Variants in LPP observed in about 807,000 individuals in gnomAD.
The protein encoded by LPP is LIM domain containing preferred translocation partner in lipoma, also known as lipoma-preferred partner.
Under a neutral mutation model 60.4 loss-of-function variants are expected in LPP, and 38 were observed. The observed-to-expected ratio is 0.63, with a 90% CI of 0.49 to 0.83. The LOEUF is 0.83. Among genes scored for constraint, LPP ranks in the 40% least tolerant of loss-of-function variants. The probability of loss-of-function intolerance (pLI) is 0.00; values close to 1 mark genes in which losing one functional copy is unlikely to be tolerated. For synonymous variants in LPP, 328 were observed against 290.8 expected, an observed-to-expected ratio of 1.13 and a Z score of -1.30; for missense variants, 902 against 783.6, an observed-to-expected ratio of 1.15 and a Z score of -1.80.
intron 9 of LPP, among the ~76,000 whole-genome samples, chr3:188,800,947 C>G (rs1347181619): frequency 1.3e-5 from 2 of 152,104 alleles, no homozygotes; most frequent in Admixed American, 6.5e-5. Context: ...AACCCTTTGT[C>G]AGTGGCTAAT....
chr3:188,548,221 C>G (rs987303484), intron 6 of LPP, among the ~76,000 whole-genome samples: 1 of 152,178 alleles, frequency 6.6e-6, no homozygotes, highest in Non-Finnish European at 1.5e-5. Context: ...TTCTAACTCA[C>G]TTTTTGATTT....
intron 8 of LPP, among the ~76,000 whole-genome samples, chr3:188,757,223 ACATC>A (rs1730565503): frequency 5.1e-5 from 4 of 79,126 alleles, no homozygotes; most frequent in Non-Finnish European, 1.4e-4. Flanking sequence ...AGAGGCACTG[ACATC>A]GTGACATCGT....
At chr3:188,153,368 G>A (rs1322887262), upstream of LPP, 1 of 152,162 alleles carries the variant, frequency 6.6e-6, no homozygotes, top group Non-Finnish European at 1.5e-5. Context: ...CACCTTGTAA[G>A]TTTTGAGTCT....
chr3:188,276,900 T>TTTTTTTC (rs1740112711), intron 2 of LPP, among the ~76,000 whole-genome samples: 4 of 130,474 alleles, frequency 3.1e-5, no homozygotes, highest in Admixed American at 1.5e-4. Flanking sequence ...TTTTCTTTTT[T>TTTTTTTC]TTTTTTTTTT....
chr3:188,490,106 G>A (rs942701767), intron 5 of LPP, among the ~76,000 whole-genome samples: 1 of 152,014 alleles, frequency 6.6e-6, no homozygotes, highest in African/African-American at 2.4e-5. Flanking sequence ...CCTCATATTG[G>A]TTTTCTTTCC....
chr3:188,769,530 G>A (rs377031032), intron 9 of LPP, among the ~76,000 whole-genome samples: 6 of 152,288 alleles, frequency 3.9e-5, no homozygotes, highest in South Asian at 4.1e-4. Context: ...GTTGCAAACC[G>A]TATTAACTGC....
At chr3:188,814,604 T>C (rs1216306901) in intron 9 of LPP, among the ~76,000 whole-genome samples, 1 of 152,248 alleles carries the variant, frequency 6.6e-6, no homozygotes, top group African/African-American at 2.4e-5. Context: ...ATTAAAATTC[T>C]TGTTGTTCCT....
chr3:188,621,859 A>G (rs1232421669), intron 7 of LPP, among the ~76,000 whole-genome samples: 1 of 151,910 alleles, frequency 6.6e-6, no homozygotes, highest in Non-Finnish European at 1.5e-5. Context: ...GGGGTTTCGC[A>G]TTGTTAGCCA....
At chr3:188,535,937 A>G (rs1823459567) in intron 6 of LPP, among the ~76,000 whole-genome samples, 1 of 151,990 alleles carries the variant, frequency 6.6e-6, no homozygotes, top group African/African-American at 2.4e-5. Flanking sequence ...GAATGTACTG[A>G]TATATGCTTC....
intron 1 of LPP, among the ~76,000 whole-genome samples, chr3:188,206,840 T>C (rs1213118604): frequency 1.3e-5 from 2 of 152,196 alleles, no homozygotes; most frequent in East Asian, 3.8e-4. Context: ...ATTTGTAATA[T>C]GGGAGTGAGA....
chr3:188,505,344 AC>A (rs1460745700), intron 5 of LPP, among the ~76,000 whole-genome samples: 1 of 150,300 alleles, frequency 6.7e-6, no homozygotes, highest in Admixed American at 6.6e-5. Flanking sequence ...CTTCTTTACC[AC>A]CCCCTCCTCC....
intron 9 of LPP, among the ~76,000 whole-genome samples, chr3:188,793,811 G>C (rs1279435635): frequency 3.3e-5 from 5 of 152,042 alleles, no homozygotes; most frequent in African/African-American, 1.2e-4. Context: ...CTGCCCTTGT[G>C]GAACTCATAT....
At chr3:188,483,221 A>G (rs983518795) in intron 4 of LPP, among the ~76,000 whole-genome samples, 1 of 152,170 alleles carries the variant, frequency 6.6e-6, no homozygotes, top group Non-Finnish European at 1.5e-5. Flanking sequence ...TTGAATTCTA[A>G]GACTGTTATT....
At chr3:188,435,238 G>A (rs1792016785) in intron 4 of LPP, among the ~76,000 whole-genome samples, 1 of 152,146 alleles carries the variant, frequency 6.6e-6, no homozygotes, top group Non-Finnish European at 1.5e-5. Context: ...ATTAAATGTT[G>A]TAGGGAATCA....
intron 9 of LPP, among the ~76,000 whole-genome samples, chr3:188,820,203 A>T (rs1478290300): frequency 6.6e-6 from 1 of 152,124 alleles, no homozygotes; most frequent in African/African-American, 2.4e-5. Context: ...AAGTCAAAAA[A>T]AGCTTTTCCC....
At chr3:188,848,604 G>A (rs1177317347) in intron 9 of LPP, among the ~76,000 whole-genome samples, 1 of 152,208 alleles carries the variant, frequency 6.6e-6, no homozygotes, top group East Asian at 1.9e-4. Flanking sequence ...GCATCATCTA[G>A]TCCAACCTCT....
intron 9 of LPP, among the ~76,000 whole-genome samples, chr3:188,769,136 T>G (rs1019782554): frequency 6.6e-6 from 1 of 152,182 alleles, no homozygotes; most frequent in Non-Finnish European, 1.5e-5. Flanking sequence ...CTTTAAAACG[T>G]ATAAATGATC....
intron 8 of LPP, chr3:188,709,593 G>A (rs1395408129): frequency 6.6e-6 from 1 of 152,140 alleles, no homozygotes; most frequent in African/African-American, 2.4e-5. Flanking sequence ...CTGACCTCAG[G>A]TGATCCACCC....
Position 188,609,753 on chromosome 3 carries a change from A to T in LPP, c.1022A>T (p.Asn341Ile). Residue 341 changes from asparagine to isoleucine, a missense_variant, in exon 7 of 12, where the codon AAC becomes ATC. Transcript: ENST00000617246. The surrounding 1 kb of genome is among the most constrained non-coding windows in gnomAD (Gnocchi z 6.9). ...ACTCCTCCTGGAGCAGGGAACCAGA[A>T]CCCTCCTGGGATGTATCCAGTCACT... is the stretch of plus-strand genomic sequence containing the variant. ...GYTPPGAGNQ[N>I]PPGMYPVTGP... 6.2e-7 allele frequency: 1 copy of T among 1,613,972 alleles called. No individual in the cohort carries two copies. Among genetic ancestry groups the T allele is most frequent in the Admixed American group, 1.7e-5 (1 of 59,998 alleles).
Sources: allele counts gnomAD v4.1 joint callset (sites outside exome capture counted in the v4.1 genomes callset), GRCh38; gene constraint gnomAD v4.1.1; non-coding constraint Gnocchi (gnomAD v3.1); transcripts MANE v1.5; gene names NCBI Gene and HGNC (gene_info 2026-07-23, HGNC 2026-07-21).